Variants in ZNF385D observed in about 807,000 individuals in gnomAD.
ZNF385D encodes the protein zinc finger protein 659.
In ZNF385D, 15 loss-of-function variants were observed where a neutral mutation model predicts 35.8. That is an observed-to-expected ratio of 0.42 (90% CI 0.28 to 0.64). The LOEUF (loss-of-function observed/expected upper bound fraction) is 0.64, where lower values mean the gene tolerates loss of function less well. ZNF385D is among the 30% of genes least tolerant of loss of function. ZNF385D has a pLI of 0.23. For synonymous variants in ZNF385D, 212 were observed against 186.8 expected, an observed-to-expected ratio of 1.13 and a Z score of -1.10; for missense variants, 474 against 494.6, an observed-to-expected ratio of 0.96 and a Z score of 0.39.
intron 2 of ZNF385D, among the ~76,000 whole-genome samples, chr3:22,327,194 T>G (rs1694717974): frequency 6.6e-6 from 1 of 152,174 alleles, no homozygotes; most frequent in Non-Finnish European, 1.5e-5. Context: ...TAATTGAGGA[T>G]GGGCCATAAA....
chr3:21,802,393 TTTTC>T (rs1391995736), intron 3 of ZNF385D, among the ~76,000 whole-genome samples: 1 of 152,130 alleles, frequency 6.6e-6, no homozygotes, highest in Non-Finnish European at 1.5e-5. Context: ...ACAACTTGTT[TTTTC>T]TTTAAGACCC....
chr3:21,460,731 A>G (rs1189344693), intron 4 of ZNF385D, among the ~76,000 whole-genome samples: 1 of 152,188 alleles, frequency 6.6e-6, no homozygotes, highest in Non-Finnish European at 1.5e-5. Flanking sequence ...TTATTACAAC[A>G]TTCATAACCT....
chr3:21,977,879 T>G (rs1235198265), intron 3 of ZNF385D, among the ~76,000 whole-genome samples: 1 of 151,870 alleles, frequency 6.6e-6, no homozygotes, highest in Non-Finnish European at 1.5e-5. Context: ...ATTCAATAGC[T>G]CTGTACATCT....
At chr3:22,113,668 C>G (rs1254542566) in intron 3 of ZNF385D, among the ~76,000 whole-genome samples, 1 of 152,014 alleles carries the variant, frequency 6.6e-6, no homozygotes, top group Non-Finnish European at 1.5e-5. Flanking sequence ...CTAGGAGTGT[C>G]TTAGAAGCCA....
At chr3:21,463,147 A>T (rs1050639564) in intron 4 of ZNF385D, among the ~76,000 whole-genome samples, 2 of 152,178 alleles carry the variant, frequency 1.3e-5, no homozygotes, top group African/African-American at 4.8e-5. Context: ...ATTTTATTAG[A>T]TGTAGTAATT....
At chr3:22,372,462 G>C (rs1203323138) in exon 2 of ZNF385D, 3 of 985,836 alleles carry the variant, frequency 3.0e-6, no homozygotes, top group Non-Finnish European at 3.6e-6. Flanking sequence ...CGGCTGGGCT[G>C]AGCTTTCGGC....
intron 3 of ZNF385D, among the ~76,000 whole-genome samples, chr3:21,991,425 T>G (rs1447799317): frequency 6.6e-6 from 1 of 152,222 alleles, no homozygotes; most frequent in Non-Finnish European, 1.5e-5. Context: ...AAATCACATT[T>G]GTTTTGTTAG....
chr3:21,775,207 T>C (rs936921115), intron 3 of ZNF385D, among the ~76,000 whole-genome samples: 3 of 151,842 alleles, frequency 2.0e-5, no homozygotes, highest in African/African-American at 7.3e-5. Context: ...GCTTTGAGTA[T>C]CTTTTGCTTC....
intron 1 of ZNF385D, among the ~76,000 whole-genome samples, chr3:21,739,002 A>G (rs1283842741): frequency 6.6e-6 from 1 of 152,216 alleles, no homozygotes; most frequent in Non-Finnish European, 1.5e-5. Context: ...ATAGAAAAAC[A>G]AAAGTGCACT....
intron 3 of ZNF385D, among the ~76,000 whole-genome samples, chr3:21,942,321 T>G (rs1037519587): frequency 6.6e-6 from 1 of 152,218 alleles, no homozygotes; most frequent in Non-Finnish European, 1.5e-5. Context: ...CCTAAACCTG[T>G]TCATAAATGA....
At chr3:22,155,341 T>C (rs1380696170) in intron 3 of ZNF385D, among the ~76,000 whole-genome samples, 1 of 152,116 alleles carries the variant, frequency 6.6e-6, no homozygotes, top group Non-Finnish European at 1.5e-5. Context: ...TGAATTAAAA[T>C]AGTCCCTGAT....
At chr3:22,136,937 T>C (rs923989324) in intron 3 of ZNF385D, among the ~76,000 whole-genome samples, 1 of 152,062 alleles carries the variant, frequency 6.6e-6, no homozygotes, top group South Asian at 2.1e-4. Flanking sequence ...AATAGAGGGA[T>C]GATTAGATAG....
chr3:22,137,961 C>T (rs1704255872), intron 3 of ZNF385D, among the ~76,000 whole-genome samples: 2 of 152,188 alleles, frequency 1.3e-5, no homozygotes, highest in East Asian at 1.9e-4. Flanking sequence ...TGATAAGCAA[C>T]TTCAGCAAAC....
intron 1 of ZNF385D, among the ~76,000 whole-genome samples, chr3:21,683,805 G>A (rs1208972813): frequency 6.7e-6 from 1 of 150,030 alleles, no homozygotes; most frequent in Non-Finnish European, 1.5e-5. Flanking sequence ...CAGGGTGACA[G>A]CAAGGAAAGC....
chr3:21,425,760 C>G (rs898821431), intron 5 of ZNF385D, 90 bp from the exon 6 acceptor site: 1 of 1,221,580 alleles, frequency 8.2e-7, no homozygotes, highest in South Asian at 1.7e-5. Context: ...AAAATCTTAG[C>G]TAGTATATAC....
intron 2 of ZNF385D, among the ~76,000 whole-genome samples, chr3:22,315,928 T>G (rs1049614197): frequency 1.3e-5 from 2 of 152,212 alleles, no homozygotes; most frequent in Non-Finnish European, 2.9e-5. Flanking sequence ...AAAGTAGGCA[T>G]AGTTCCTATA....
chr3:21,970,574 G>A (rs1038446808), intron 3 of ZNF385D, among the ~76,000 whole-genome samples: 2 of 151,840 alleles, frequency 1.3e-5, no homozygotes, highest in Non-Finnish European at 2.9e-5. Context: ...CAGCCTCAAA[G>A]GGCCAAATCT....
At chr3:22,011,346 A>T (rs1016789179) in intron 3 of ZNF385D, among the ~76,000 whole-genome samples, 1 of 152,144 alleles carries the variant, frequency 6.6e-6, no homozygotes, top group African/African-American at 2.4e-5. Context: ...TCAGAGCTTT[A>T]TCTCTGCTTC....
At chr3:22,292,612 C>A (rs1491881) in intron 2 of ZNF385D, among the ~76,000 whole-genome samples, 7 of 151,910 alleles carry the variant, frequency 4.6e-5, no homozygotes, top group Admixed American at 3.9e-4. Flanking sequence ...TTCTTTCACA[C>A]GGCTAATTTA....
Sources: gnomAD v4.1 joint callset for allele counts (sites outside exome capture counted in the v4.1 genomes callset) on GRCh38, gnomAD v4.1.1 for gene constraint, MANE v1.5 for transcripts, NCBI Gene and HGNC (gene_info 2026-07-23, HGNC 2026-07-21) for gene names.